The following MSMO1 variants were observed in gnomAD, a reference collection of about 807,000 sequenced individuals.
MSMO1 encodes the protein methylsterol monooxygenase 1, also known as C-4 methylsterol oxidase.
In MSMO1, 18 loss-of-function variants were observed where a neutral mutation model predicts 30.4. The ratio of observed to expected loss-of-function variants is 0.59; its 90% CI spans 0.41 to 0.88. MSMO1 has a LOEUF of 0.88. Among genes scored for constraint, MSMO1 ranks in the 40% least tolerant of loss-of-function variants. The pLI, the probability that MSMO1 is intolerant of heterozygous loss-of-function variation, is 0.00. For missense variants in MSMO1, 284 were observed against 340.5 expected (o/e 0.83, Z 1.31); for synonymous variants, 84 against 107.9 (o/e 0.78, Z 1.37).
intron 4 of MSMO1, 26 bp downstream of exon 4, chr4:165,338,804 T>G: frequency 6.4e-7 from 1 of 1,554,096 alleles, no homozygotes; most frequent in Non-Finnish European, 8.8e-7. Context: ...ATTTAATTCT[T>G]TCTGTTAGAG....
At position 165,329,353 on chromosome 4, in the gene MSMO1, C is replaced by G. The variant is rs564831022; in HGVS notation, c.-32+1589C>G. Among the ~76,000 whole-genome samples, 10 of 152,136 alleles carry G rather than the reference C, an allele frequency of 6.6e-5. No homozygotes were observed. The South Asian group carries it at 1.5e-3, about 22-fold the overall frequency. On this transcript the variant is annotated intron_variant, in intron 1 of 5. Coordinates refer to ENST00000261507, the MANE Select transcript of MSMO1 (RefSeq NM_006745.5). ...CTAGAAGTTCATAGCACTGTGTATTCCCCCCTTTATTGTTCTTATCACATA... is the reference window on the plus strand; with the variant it reads ...CTAGAAGTTCATAGCACTGTGTATTGCCCCCTTTATTGTTCTTATCACATA...
At chr4:165,341,035 C>T (rs1340429150) in intron 5 of MSMO1, among the ~76,000 whole-genome samples, 1 of 134,458 alleles carries the variant, frequency 7.4e-6, no homozygotes, top group African/African-American at 2.6e-5. Context: ...ATTGACATTT[C>T]TTTCTTTTTT....
chr4:165,336,961 C>T (rs947702999), intron 2 of MSMO1, among the ~76,000 whole-genome samples: 2 of 152,168 alleles, frequency 1.3e-5, no homozygotes, highest in South Asian at 2.1e-4. Flanking sequence ...TCTGCTGATG[C>T]GCAGTAGTTC....
Position 165,337,939 on chromosome 4 carries a change from T to G in MSMO1, c.404+2T>G, listed in dbSNP as rs1747605288. 2 of 1,613,074 alleles carry G rather than the reference T, an allele frequency of 1.2e-6. No homozygotes were observed. Among genetic ancestry groups the G allele is most frequent in the South Asian group, 1.1e-5 (1 of 91,058 alleles). On this transcript the variant is annotated splice_donor_variant, in intron 3 of 5. Coordinates refer to ENST00000261507, the MANE Select transcript of MSMO1 (RefSeq NM_006745.5). LOFTEE classifies it high-confidence loss of function. ...TGATTGGGAAAGAATGCCAAGATGG[T>G]ACGTAGATAAAAATTTGGCTTTTAC... is the stretch of plus-strand genomic sequence containing the variant.
At position 165,341,983 on chromosome 4, in the gene MSMO1, T is replaced by C; in HGVS notation, c.*37T>C. ...AAACCTTCCTGAAAGATAAACGTTT[T>C]CCTGAATTCAGAAACTAGTAGCTAA... On this transcript the variant is annotated 3_prime_UTR_variant, in exon 6 of 6. Transcript: ENST00000261507. 6.5e-7 allele frequency: 1 copy of C among 1,540,388 alleles called. No homozygotes were observed. Among genetic ancestry groups the C allele is most frequent in the South Asian group, 1.1e-5 (1 of 88,888 alleles).
chr4:165,332,060 C>A (rs887755572), intron 1 of MSMO1, among the ~76,000 whole-genome samples: 2 of 151,860 alleles, frequency 1.3e-5, no homozygotes, highest in Non-Finnish European at 2.9e-5. Context: ...CCTACCCCGC[C>A]ACGCTGTCTT....
intron 1 of MSMO1, among the ~76,000 whole-genome samples, chr4:165,331,285 C>T (rs1320770933): frequency 6.8e-6 from 1 of 147,762 alleles, no homozygotes; most frequent in Non-Finnish European, 1.5e-5. Context: ...GCTTGGGTGA[C>T]AGAGTGAGAC....
Position 165,337,977 on chromosome 4 carries a change from C to T in MSMO1, c.404+40C>T, listed in dbSNP as rs1173018071. On this transcript the variant is annotated intron_variant, in intron 3 of 5. Transcript: ENST00000261507. ...ATTTGGCTTTTACACCCAATTGTGGCTTATTCAGTTAAGTTATACTTAATG... is the reference window on the plus strand; with the variant it reads ...ATTTGGCTTTTACACCCAATTGTGGTTTATTCAGTTAAGTTATACTTAATG... The T allele has an allele frequency of 1.9e-6, 3 of 1,579,978 alleles. No homozygotes were observed. The African/African-American group carries it at 4.0e-5, about 21-fold the overall frequency.
chr4:165,329,446 A>G (rs1215604045), intron 1 of MSMO1, among the ~76,000 whole-genome samples: 2 of 151,792 alleles, frequency 1.3e-5, no homozygotes, highest in African/African-American at 4.8e-5. Context: ...CTCAGGGGTA[A>G]GGGCACCAGC....
chr4:165,334,240 G>A (rs1490240413), intron 2 of MSMO1, among the ~76,000 whole-genome samples: 1 of 152,118 alleles, frequency 6.6e-6, no homozygotes, highest in East Asian at 1.9e-4. Flanking sequence ...TAAAGTGTTT[G>A]GAAGCCACAT....
intron 3 of MSMO1, 71 bp from the exon 4 acceptor site, chr4:165,338,581 A>G: frequency 1.4e-6 from 2 of 1,380,382 alleles, no homozygotes; most frequent in Non-Finnish European, 2.1e-6. Flanking sequence ...TCAAGCAGTG[A>G]TCCCAACTAA....
chr4:165,329,315 A>T (rs543510340), intron 1 of MSMO1, among the ~76,000 whole-genome samples: 1 of 151,978 alleles, frequency 6.6e-6, no homozygotes, highest in African/African-American at 2.4e-5. Context: ...CTCAGTTTAG[A>T]TAGCACCTTT....
intron 1 of MSMO1, 21 bp from the exon 2 acceptor site, chr4:165,333,319 T>C: frequency 6.3e-7 from 1 of 1,580,378 alleles, no homozygotes; most frequent in Non-Finnish European, 8.7e-7. Flanking sequence ...TAACTTATTA[T>C]ATATGTATTC....
chr4:165,340,543 C>T (rs1747688489), intron 5 of MSMO1, 168 bp downstream of exon 5: 1 of 650,880 alleles, frequency 1.5e-6, no homozygotes, highest in South Asian at 2.0e-5. Context: ...GATGTTTTTA[C>T]ATTCTAGCCT....
intron 1 of MSMO1, among the ~76,000 whole-genome samples, chr4:165,328,884 A>C (rs1223733775): frequency 1.3e-5 from 2 of 152,174 alleles, no homozygotes; most frequent in Non-Finnish European, 2.9e-5. Flanking sequence ...TTAAAACGTT[A>C]TGTCTGAGAA....
At chr4:165,331,928 G>A (rs1014167891) in intron 1 of MSMO1, among the ~76,000 whole-genome samples, 2 of 147,712 alleles carry the variant, frequency 1.4e-5, no homozygotes, top group African/African-American at 5.3e-5. Context: ...TTCCTACCCC[G>A]CCGCGCTCTG....
At chr4:165,330,684 T>C (rs1747363739) in intron 1 of MSMO1, among the ~76,000 whole-genome samples, 2 of 152,212 alleles carry the variant, frequency 1.3e-5, no homozygotes, top group Non-Finnish European at 2.9e-5. Flanking sequence ...CAGTGAGTTG[T>C]GTGGGTGAGT....
At chr4:165,340,422 T>TC in intron 5 of MSMO1, 47 bp downstream of exon 5, 1 of 1,455,360 alleles carries the variant, frequency 6.9e-7, no homozygotes, top group Non-Finnish European at 9.6e-7. Flanking sequence ...GAAATATATT[T>TC]ATTTTCATGG....
At chr4:165,336,519 T>C (rs1224805755) in intron 2 of MSMO1, among the ~76,000 whole-genome samples, 2 of 152,238 alleles carry the variant, frequency 1.3e-5, no homozygotes, top group Non-Finnish European at 2.9e-5. Flanking sequence ...ACTGCATCGA[T>C]ATCCCAGTCT....
Sources: allele counts gnomAD v4.1 joint callset (sites outside exome capture counted in the v4.1 genomes callset), GRCh38; gene constraint gnomAD v4.1.1; transcripts MANE v1.5; gene names NCBI Gene and HGNC (gene_info 2026-07-23, HGNC 2026-07-21).